EIF4G2: variants seen among roughly 807,000 people sequenced by gnomAD.
The protein encoded by EIF4G2 is eukaryotic translation initiation factor 4 gamma 2.
Under a neutral mutation model 117.7 loss-of-function variants are expected in EIF4G2, and 8 were observed. That is an observed-to-expected ratio of 0.07 (90% confidence interval 0.04 to 0.12). The LOEUF (loss-of-function observed/expected upper bound fraction) is 0.12, where lower values mean the gene tolerates loss of function less well. Among genes scored for constraint, EIF4G2 ranks in the 10% least tolerant of loss-of-function variants. EIF4G2 has a pLI of 1.00. For synonymous variants in EIF4G2, 413 were observed against 367.8 expected (o/e 1.12, Z -1.41); for missense variants, 812 against 1,086.2 (o/e 0.75, Z 3.55).
Position 10,803,819 on chromosome 11 carries a change from A to C in EIF4G2, c.702+80T>G. The C allele has an allele frequency of 6.6e-7, 1 of 1,508,964 alleles. No homozygotes were observed. Among genetic ancestry groups the C allele is most frequent in the Admixed American group, 2.0e-5 (1 of 49,230 alleles). 93.5% of individuals were successfully genotyped at this position (1,508,964 alleles called of 1,614,324 possible). A position where few individuals can be genotyped will look rare whatever the true frequency, so the allele number is the denominator to read the frequency against. ...GTTGCACATCTGTATTTAACTAGTCAACCTCCCTCTTAGATGAATAATTGA... is the reference window on the plus strand; with the variant it reads ...GTTGCACATCTGTATTTAACTAGTCCACCTCCCTCTTAGATGAATAATTGA... On this transcript the variant is annotated intron_variant, in intron 8 of 21. Transcript: ENST00000339995. This position sits in a 1 kb window ranked among gnomAD's most constrained non-coding sequence, Gnocchi z 4.0.
At chr11:10,806,793 C>T in intron 3 of EIF4G2, 27 bp downstream of exon 3, 1 of 1,610,056 alleles carries the variant, frequency 6.2e-7, no homozygotes, top group Non-Finnish European at 8.5e-7. Context: ...AAATAAAGCT[C>T]ACTGTTTTTT....
chr11:10,801,827 T>A (rs551579662), intron 13 of EIF4G2, 53 bp from the exon 14 acceptor site: 1 of 1,546,694 alleles, frequency 6.5e-7, no homozygotes, highest in African/African-American at 1.4e-5. Context: ...CCACAAATTA[T>A]GGTAATCAAG....
chr11:10,802,055 T>A lies in EIF4G2; in HGVS notation c.1293A>T (p.Lys431Asn). ...ACACTCAAATATTACTTACCTGGCT[T>A]TTCATAAACTTGCCTCCCATCTCTC... is the stretch of plus-strand genomic sequence containing the variant. The change falls in exon 13 of 22, where the codon AAA becomes AAT. Residue 431 changes from lysine (K) to asparagine (N), a missense_variant. Around this residue, in one of 4 missense-constraint regions of EIF4G2, gnomAD observed 571 missense variants for 642.3 expected, o/e 0.89. Coordinates refer to ENST00000339995, the MANE Select transcript of EIF4G2 (RefSeq NM_001418.4). 1 of 1,613,718 alleles carries A rather than the reference T, an allele frequency of 6.2e-7. No individual in the cohort carries two copies. Among genetic ancestry groups the A allele is most frequent in the Non-Finnish European group, 8.5e-7 (1 of 1,179,776 alleles).
In EIF4G2 at chr11:10,803,406, T is replaced by C; in HGVS notation, c.813+74A>G. 1 of 1,561,722 alleles carries C rather than the reference T, an allele frequency of 6.4e-7. No individual in the cohort carries two copies. Among genetic ancestry groups the C allele is most frequent in the Non-Finnish European group, 8.8e-7 (1 of 1,134,472 alleles). Reference sequence around the variant, plus strand: ...TTAATGGCTAAATATGGCAATCCCTTATGATGTCACAAAAATCAATAGCTT... The same window carrying C: ...TTAATGGCTAAATATGGCAATCCCTCATGATGTCACAAAAATCAATAGCTT... On this transcript the variant is annotated intron_variant, in intron 9 of 21. Coordinates refer to ENST00000339995, the MANE Select transcript of EIF4G2 (RefSeq NM_001418.4). The surrounding 1 kb of genome is among the most constrained non-coding windows in gnomAD (Gnocchi z 4.0).
rs191898565 is a variant in EIF4G2 at position 10,803,179 on chromosome 11, C to G, written c.897+32G>C. The stretch of plus-strand genomic sequence containing the variant: ...TAATATTCCTAAACCAAAAACTCAG[C>G]TTACCAACAAATTTAAAGAAACCAG... On this transcript the variant is annotated intron_variant, in intron 10 of 21. Coordinates refer to ENST00000339995, the MANE Select transcript of EIF4G2 (RefSeq NM_001418.4). This position sits in a 1 kb window ranked among gnomAD's most constrained non-coding sequence, Gnocchi z 4.0. The G allele has an allele frequency of 4.6e-5, 74 of 1,608,290 alleles. No individual in the cohort carries two copies. The highest frequency in any genetic ancestry group is 1.4e-4 in the Admixed American group (8 of 58,898).
At chr11:10,798,849 T>C (rs1194693956) in intron 21 of EIF4G2, 143 bp downstream of exon 21, 20 of 951,004 alleles carry the variant, frequency 2.1e-5, no homozygotes, top group Non-Finnish European at 2.8e-5. Context: ...TAGCTTCAAA[T>C]AGTGCAGAAT....
intron 4 of EIF4G2, 44 bp from the exon 5 acceptor site, chr11:10,805,059 G>T: frequency 6.9e-7 from 1 of 1,455,902 alleles, no homozygotes; most frequent in Non-Finnish European, 9.6e-7. Context: ...CTAATACACA[G>T]AATTTGAATT....
chr11:10,808,182 C>T (rs1847647241), intron 1 of EIF4G2: 1 of 1,119,902 alleles, frequency 8.9e-7, no homozygotes, highest in Non-Finnish European at 1.1e-6. Flanking sequence ...ACCGCCTCGC[C>T]ACGGCCTCCT....
At chr11:10,807,995 G>A in intron 1 of EIF4G2, 1 of 1,041,822 alleles carries the variant, frequency 9.6e-7, no homozygotes, top group Non-Finnish European at 1.2e-6. Context: ...AGTTAGGGAA[G>A]TGCTTCCGAC....
Position 10,800,652 on chromosome 11 carries a change from G to A in EIF4G2, c.1645-5C>T, listed in dbSNP as rs754597895. The A allele has an allele frequency of 1.4e-5, 23 of 1,613,876 alleles. No individual in the cohort carries two copies. Among genetic ancestry groups the A allele is most frequent in the Admixed American group, 5.0e-5 (3 of 59,962 alleles). ...ATATTCAGTCACAACAGTTTCCTGTGAAGAACACAAGTATCTTTAATGTAT... is the reference window on the plus strand; with the variant it reads ...ATATTCAGTCACAACAGTTTCCTGTAAAGAACACAAGTATCTTTAATGTAT... On this transcript the variant is annotated splice_region_variant and splice_polypyrimidine_tract_variant and intron_variant, in intron 16 of 21. Transcript: ENST00000339995.
rs1847302945 is a variant in EIF4G2 at position 10,797,916 on chromosome 11, T to C, written c.2659-35A>G. 9 of 1,601,546 alleles carry C rather than the reference T, an allele frequency of 5.6e-6. No homozygotes were observed. Among genetic ancestry groups the C allele is most frequent in the African/African-American group, 2.7e-5 (2 of 74,694 alleles). ...AAGATTTGTAAATTAAAATAGTTCA[T>C]GATATAAACAGAAATCCATCCAAAA... is the stretch of plus-strand genomic sequence containing the variant. On this transcript the variant is annotated intron_variant, in intron 21 of 21. Transcript: ENST00000339995. This position sits in a 1 kb window ranked among gnomAD's most constrained non-coding sequence, Gnocchi z 4.5.
Position 10,803,710 on chromosome 11 carries a change from C to T in EIF4G2, c.703-120G>A. 4 of 1,119,162 alleles carry T rather than the reference C, an allele frequency of 3.6e-6. 1 individual carries two copies. Among genetic ancestry groups the T allele is most frequent in the African/African-American group, 3.1e-5 (2 of 64,406 alleles). The allele number at this position is 1,119,162 out of a possible 1,614,324, so 69.3% of individuals were successfully genotyped here. A position where few individuals can be genotyped will look rare whatever the true frequency, so the allele number is the denominator to read the frequency against. On this transcript the variant is annotated intron_variant, in intron 8 of 21. Coordinates refer to ENST00000339995, the MANE Select transcript of EIF4G2 (RefSeq NM_001418.4). The surrounding 1 kb of genome is among the most constrained non-coding windows in gnomAD (Gnocchi z 4.0). ...AGTTCCTACAGAATCTAGTATAGGG[C>T]TTTCTACCAGTCTGGTTGATCAGTT...
intron 4 of EIF4G2, among the ~76,000 whole-genome samples, chr11:10,805,239 CCTTTCTCA>C (rs1209102285): frequency 6.6e-6 from 1 of 152,102 alleles, no homozygotes; most frequent in Non-Finnish European, 1.5e-5. Flanking sequence ...TGACAAGAAT[CCTTTCTCA>C]CTTTCTCAAG....
rs559307730 is a variant in EIF4G2 at position 10,804,449 on chromosome 11, A to G, written c.352-31T>C. ...GAAAATGTCATTGCTTAAACTAAAT[A>G]TGAAAACTTCTCCAAGAACCCTTCC... On this transcript the variant is annotated intron_variant, in intron 5 of 21. Transcript: ENST00000339995. 1.9e-6 allele frequency: 3 copies of G among 1,549,012 alleles called. No homozygotes were observed. The East Asian group carries it at 6.8e-5, about 35-fold the overall frequency.
In EIF4G2 at chr11:10,802,331, T is replaced by C. The variant is rs1051218907; in HGVS notation, c.1101A>G (p.Pro367=). ...CAAACATATCAGCAAGTCCTCCAAGTGGGTCCCTATCCATTTTCATCCTGG... is the reference window on the plus strand; with the variant it reads ...CAAACATATCAGCAAGTCCTCCAAGCGGGTCCCTATCCATTTTCATCCTGG... Residue 367 remains proline (P), a synonymous_variant, in exon 12 of 22, where the codon CCA becomes CCG. Transcript: ENST00000339995. 1.2e-6 allele frequency: 2 copies of C among 1,613,948 alleles called. No homozygotes were observed. Among genetic ancestry groups the C allele is most frequent in the African/African-American group, 1.3e-5 (1 of 75,034 alleles).
chr11:10,803,022 A>T lies in EIF4G2; in HGVS notation c.996+8T>A. 1.9e-6 allele frequency: 3 copies of T among 1,605,590 alleles called. No individual in the cohort carries two copies. The highest frequency in any genetic ancestry group is 2.6e-6 in the Non-Finnish European group (3 of 1,176,232). ...CTATGTGACAAACAAAACAAAACCC[A>T]ATCTTACTTTTACTGCATCTTGACG... On this transcript the variant is annotated splice_region_variant and intron_variant, in intron 11 of 21. Transcript: ENST00000339995. The surrounding 1 kb of genome is among the most constrained non-coding windows in gnomAD (Gnocchi z 4.0).
At position 10,801,665 on chromosome 11, in the gene EIF4G2, T is replaced by A; in HGVS notation, c.1409A>T (p.Asp470Val). The A allele has an allele frequency of 6.2e-7, 1 of 1,613,896 alleles. No homozygotes were observed. The highest frequency in any genetic ancestry group is 8.5e-7 in the Non-Finnish European group (1 of 1,179,776). ...AAGTAACATAGGCAAATGTACCTCA[T>A]CTGCATTAAGCTGTCCTTTCTTAGA... Residue 470 changes from aspartate to valine, a missense_variant, in exon 14 of 22, where the codon GAT becomes GTT. By Grantham distance (152) the Asp-to-Val change is radical (BLOSUM62 -3). Around this residue, in one of 4 missense-constraint regions of EIF4G2, gnomAD observed 571 missense variants for 642.3 expected, o/e 0.89. Transcript: ENST00000339995.
chr11:10,808,037 GGGA>G, intron 1 of EIF4G2: 1 of 1,032,192 alleles, frequency 9.7e-7, no homozygotes, highest in Non-Finnish European at 1.2e-6. Context: ...TCGCTCGACG[GGGA>G]GGAGCAGCTG....
rs1451931433 is a variant in EIF4G2 at position 10,804,012 on chromosome 11, C to G, written c.589G>C (p.Glu197Gln). The change falls in exon 8 of 22, where the codon GAG becomes CAG. Residue 197 changes from glutamate (E) to glutamine (Q), a missense_variant. Around this residue, in one of 4 missense-constraint regions of EIF4G2, gnomAD observed 154 missense variants for 322.1 expected, o/e 0.48. Coordinates refer to ENST00000339995, the MANE Select transcript of EIF4G2 (RefSeq NM_001418.4). ...ATCTTAGCAATGGCTCTCTGTTCCT[C>G]CTCCTCGGGGAGGAGGGGATTTTCA... The G allele has an allele frequency of 6.2e-7, 1 of 1,614,000 alleles. No individual in the cohort carries two copies. Among genetic ancestry groups the G allele is most frequent in the Non-Finnish European group, 8.5e-7 (1 of 1,180,022 alleles).
Sources: gnomAD v4.1 joint callset for allele counts (sites outside exome capture counted in the v4.1 genomes callset) on GRCh38, gnomAD v4.1.1 for gene constraint, gnomAD v4.1.1 regional missense constraint, Gnocchi (gnomAD v3.1) non-coding constraint, MANE v1.5 for transcripts, NCBI Gene and HGNC (gene_info 2026-07-23, HGNC 2026-07-21) for gene names.